Variants in GRIK2 observed in about 807,000 individuals in gnomAD.
GRIK2 encodes the protein glutamate receptor ionotropic, kainate 2.
Under a neutral mutation model 100.3 loss-of-function variants are expected in GRIK2, and 32 were observed. The ratio of observed to expected loss-of-function variants is 0.32; its 90% confidence interval spans 0.24 to 0.43. The LOEUF (loss-of-function observed/expected upper bound fraction) is 0.43, where lower values mean the gene tolerates loss of function less well. Among genes scored for constraint, GRIK2 ranks in the 20% least tolerant of loss-of-function variants. The pLI is 1.00. For synonymous variants in GRIK2, 417 were observed against 389.4 expected, an observed-to-expected ratio of 1.07 and a Z score of -0.83; for missense variants, 843 against 1,114.9, an observed-to-expected ratio of 0.76 and a Z score of 3.47.
At chr6:101,414,237 T>C (rs938973893) in intron 2 of GRIK2, among the ~76,000 whole-genome samples, 1 of 152,176 alleles carries the variant, frequency 6.6e-6, no homozygotes, top group Non-Finnish European at 1.5e-5. Flanking sequence ...GAGGACCTCA[T>C]TCAGAAGTTT....
intron 2 of GRIK2, among the ~76,000 whole-genome samples, chr6:101,572,584 A>T (rs984165022): frequency 6.6e-6 from 1 of 152,000 alleles, no homozygotes; most frequent in Non-Finnish European, 1.5e-5. Flanking sequence ...TTGCTTAAAG[A>T]TAAAAATGTA....
At chr6:101,859,534 C>T in intron 11 of GRIK2, 41 bp downstream of exon 11, 1 of 1,137,458 alleles carries the variant, frequency 8.8e-7, no homozygotes, top group South Asian at 1.2e-5. Flanking sequence ...TGTTATGTTG[C>T]TACAAGGTTT....
intron 12 of GRIK2, among the ~76,000 whole-genome samples, chr6:101,909,061 C>T (rs1788448191): frequency 6.6e-6 from 1 of 151,046 alleles, no homozygotes; most frequent in Non-Finnish European, 1.5e-5. Flanking sequence ...ATTAGTAAAA[C>T]CCAACTTCAA....
At chr6:101,930,380 G>A (rs867052220) in intron 14 of GRIK2, among the ~76,000 whole-genome samples, 2 of 151,552 alleles carry the variant, frequency 1.3e-5, no homozygotes, top group Non-Finnish European at 2.9e-5. Context: ...TAAATAAGTC[G>A]CTGAAATTGC....
chr6:101,447,949 A>C (rs536591708), intron 2 of GRIK2, among the ~76,000 whole-genome samples: 1 of 151,770 alleles, frequency 6.6e-6, no homozygotes, highest in East Asian at 1.9e-4. Context: ...ACTTCTTAGA[A>C]GTGAACTCAA....
intron 4 of GRIK2, among the ~76,000 whole-genome samples, chr6:101,670,961 C>A (rs1355117435): frequency 6.6e-6 from 1 of 152,156 alleles, no homozygotes; most frequent in Non-Finnish European, 1.5e-5. Flanking sequence ...AAATTTTGAA[C>A]TGAGATTCAA....
chr6:101,799,145 A>G (rs533029147), intron 7 of GRIK2, among the ~76,000 whole-genome samples: 80 of 152,268 alleles, frequency 5.3e-4, no homozygotes, highest in Middle Eastern at 3.4e-3. Context: ...GATTAAAACA[A>G]TGAAAGAATT....
rs9390794 is a variant in GRIK2, at chr6:101,945,938, A to C, written c.2085+17306A>C. 1.7e-4 allele frequency among the ~76,000 whole-genome samples: 25 copies of C among 147,512 alleles called. No individual in the cohort carries two copies. In the East Asian group the frequency reaches 4.6e-3, roughly 27 times the overall value. On this transcript the variant is annotated intron_variant, in intron 14 of 16. Coordinates refer to ENST00000369134, the MANE Select transcript of GRIK2 (RefSeq NM_021956.5). ...TTTTTTTTTTTTTCATTTTTATGAG[A>C]TAGCAAATTAATCCTTGTAAGTAAA...
At chr6:101,905,274 A>C (rs181468283) in intron 12 of GRIK2, among the ~76,000 whole-genome samples, 61 of 151,678 alleles carry the variant, frequency 4.0e-4, no homozygotes, top group African/African-American at 1.3e-3. Flanking sequence ...TGCAATTATC[A>C]AAGGATTATA....
intron 2 of GRIK2, among the ~76,000 whole-genome samples, chr6:101,487,117 A>G (rs773795797): frequency 6.8e-6 from 1 of 146,730 alleles, no homozygotes; most frequent in Non-Finnish European, 1.5e-5. Flanking sequence ...AGTCAGTCTT[A>G]TATTCTGACG....
At chr6:101,897,317 C>T (rs989163242) in intron 12 of GRIK2, among the ~76,000 whole-genome samples, 2 of 151,570 alleles carry the variant, frequency 1.3e-5, no homozygotes, top group African/African-American at 4.8e-5. Context: ...GAAAAACAAT[C>T]ATTTTTTACC....
At chr6:101,879,742 A>C (rs1582443429) in intron 11 of GRIK2, among the ~76,000 whole-genome samples, 1 of 151,718 alleles carries the variant, frequency 6.6e-6, no homozygotes, top group East Asian at 2.0e-4. Flanking sequence ...TATTAGCATG[A>C]AAATAAGTAG....
rs532982293 is a variant in GRIK2, at chr6:101,903,027, C to T, written c.1748+13164C>T. ...TACATCATTCTTAGAGACTTTTATC[C>T]TCATAGTTACAAGATACCCATTGAA... is the stretch of plus-strand genomic sequence containing the variant. On this transcript the variant is annotated intron_variant, in intron 12 of 16. Transcript: ENST00000369134. 2.0e-5 allele frequency among the ~76,000 whole-genome samples: 3 copies of T among 151,906 alleles called. No individual in the cohort carries two copies. In the East Asian group the frequency reaches 5.8e-4, roughly 29 times the overall value.
At chr6:102,018,863 G>A (rs1562115677) in intron 14 of GRIK2, among the ~76,000 whole-genome samples, 1 of 152,078 alleles carries the variant, frequency 6.6e-6, no homozygotes. Context: ...AAATCTTAAT[G>A]TTTAATGATT....
intron 4 of GRIK2, among the ~76,000 whole-genome samples, chr6:101,667,983 A>T (rs1312382701): frequency 2.6e-5 from 4 of 152,180 alleles, no homozygotes; most frequent in African/African-American, 4.8e-5. Flanking sequence ...TTTATAATGT[A>T]TCAAGCTAAA....
chr6:101,916,307 CG>C (rs1376595991), intron 12 of GRIK2, among the ~76,000 whole-genome samples: 2 of 151,210 alleles, frequency 1.3e-5, no homozygotes, highest in African/African-American at 2.4e-5. Context: ...GCATTTGTGA[CG>C]TTTTTTGTAT....
chr6:101,514,282 T>G (rs2852540), intron 2 of GRIK2, among the ~76,000 whole-genome samples: 92,712 of 151,864 alleles, frequency 0.61, 29,501 homozygotes, highest in African/African-American at 0.79. Context: ...GCTCCAACGA[T>G]TGGAGGAACA....
At chr6:101,584,506 A>G (rs1305075860) in intron 2 of GRIK2, among the ~76,000 whole-genome samples, 1 of 152,070 alleles carries the variant, frequency 6.6e-6, no homozygotes, top group East Asian at 1.9e-4. Context: ...CAGTAGCAAA[A>G]CTAACATTTT....
chr6:101,732,554 A>T (rs1369679911), intron 7 of GRIK2, among the ~76,000 whole-genome samples: 1 of 152,118 alleles, frequency 6.6e-6, no homozygotes, highest in African/African-American at 2.4e-5. Context: ...AATTTTTCCC[A>T]AGGCAAAAGA....
Sources: gnomAD v4.1 joint callset for allele counts (sites outside exome capture counted in the v4.1 genomes callset) on GRCh38, gnomAD v4.1.1 for gene constraint, MANE v1.5 for transcripts, NCBI Gene and HGNC (gene_info 2026-07-23, HGNC 2026-07-21) for gene names.